CDK15: variants seen among roughly 807,000 people sequenced by gnomAD.
CDK15 encodes cyclin-dependent kinase 15.
In CDK15, 62 loss-of-function variants were observed where a neutral mutation model predicts 60.3. That is an observed-to-expected ratio of 1.03 (90% CI 0.84 to 1.27). The LOEUF is 1.27. Among genes scored for constraint, CDK15 ranks in the 50% most tolerant of loss-of-function variants. The pLI is 0.00. For missense variants in CDK15, 541 were observed against 527.8 expected (o/e 1.03, Z -0.25); for synonymous variants, 194 against 195.7 (o/e 0.99, Z 0.07).
chr2:201,880,573 C>T lies in CDK15; in HGVS notation c.1198+406C>T, dbSNP rs367830167. 4.6e-5 allele frequency among the ~76,000 whole-genome samples: 7 copies of T among 152,140 alleles called. No homozygotes were observed. The South Asian group carries it at 6.2e-4, about 14-fold the overall frequency. ...GCGGAGAGTAAGATGATAGGTGAAG[C>T]GGATATGTCCTGAGAGGGAGCTGGG... On this transcript the variant is annotated intron_variant, in intron 12 of 13. Coordinates refer to ENST00000652192, the MANE Select transcript of CDK15 (RefSeq NM_001366386.2).
At chr2:201,846,023 C>A (rs1191337548) in intron 8 of CDK15, among the ~76,000 whole-genome samples, 2 of 151,996 alleles carry the variant, frequency 1.3e-5, no homozygotes, top group Non-Finnish European at 2.9e-5. Context: ...TTCAGCTTGA[C>A]CATGTATGAA....
intron 11 of CDK15, chr2:201,876,456 G>A (rs1699081171): frequency 1.8e-6 from 1 of 549,208 alleles, no homozygotes; most frequent in South Asian, 1.5e-5. Flanking sequence ...TGCTGCCAGT[G>A]AAGGTTTGTG....
chr2:201,812,442 C>T (rs1695816711), intron 3 of CDK15, 41 bp from the exon 4 acceptor site: 1 of 1,405,610 alleles, frequency 7.1e-7, no homozygotes, highest in Non-Finnish European at 1.0e-6. Flanking sequence ...CTGCTTTGAA[C>T]CACCTCAATA....
chr2:201,865,889 C>CA (rs1262940691), intron 10 of CDK15, among the ~76,000 whole-genome samples: 11 of 24,826 alleles, frequency 4.4e-4, no homozygotes, highest in African/African-American at 1.4e-3. Flanking sequence ...GATTCCATCT[C>CA]AACAAAAAAA....
intron 12 of CDK15, among the ~76,000 whole-genome samples, chr2:201,883,558 G>C (rs1349607789): frequency 1.3e-5 from 2 of 152,232 alleles, no homozygotes; most frequent in Non-Finnish European, 2.9e-5. Context: ...ACCTGAAGTG[G>C]AAAAGTGTGA....
At chr2:201,888,927 T>A in intron 12 of CDK15, 1 of 991,348 alleles carries the variant, frequency 1.0e-6, no homozygotes, top group Non-Finnish European at 1.2e-6. Context: ...TTTAACTGTC[T>A]ATGCTATGAC....
intron 6 of CDK15, among the ~76,000 whole-genome samples, chr2:201,827,960 T>C (rs1377876623): frequency 6.6e-6 from 1 of 152,164 alleles, no homozygotes; most frequent in Non-Finnish European, 1.5e-5. Flanking sequence ...TCAAGGTTGA[T>C]ATTATGGTAG....
chr2:201,814,543 T>C (rs770679830), intron 4 of CDK15, among the ~76,000 whole-genome samples: 19 of 152,164 alleles, frequency 1.2e-4, no homozygotes, highest in Non-Finnish European at 2.6e-4. Context: ...TTTGGCACTG[T>C]CCCATTTTTC....
At chr2:201,810,143 A>G (rs1399903478) in intron 3 of CDK15, among the ~76,000 whole-genome samples, 1 of 152,140 alleles carries the variant, frequency 6.6e-6, no homozygotes, top group Non-Finnish European at 1.5e-5. Flanking sequence ...CCATGTTCTG[A>G]GGAAAATACT....
chr2:201,865,002 G>T (rs571731091), intron 10 of CDK15, among the ~76,000 whole-genome samples: 1 of 152,132 alleles, frequency 6.6e-6, no homozygotes, highest in Non-Finnish European at 1.5e-5. Context: ...CTGCAGGACT[G>T]GGTAGAGGGA....
intron 6 of CDK15, among the ~76,000 whole-genome samples, chr2:201,829,456 C>T (rs1299630538): frequency 6.6e-6 from 1 of 152,088 alleles, no homozygotes; most frequent in Non-Finnish European, 1.5e-5. Context: ...TTTTCTGGAT[C>T]TGAGTATTAA....
chr2:201,864,205 G>A (rs762384480), intron 10 of CDK15, among the ~76,000 whole-genome samples: 2 of 152,166 alleles, frequency 1.3e-5, no homozygotes, highest in Non-Finnish European at 2.9e-5. Flanking sequence ...GGATCTTTAA[G>A]AAACTAGGGA....
At position 201,834,119 on chromosome 2, in the gene CDK15, T is replaced by A. The variant is rs1574874163; in HGVS notation, c.730+148T>A. ...GGATATCAAACTACCACAAAGGAAG[T>A]GTGAGGCACGAAACAGGGAGGGATT... On this transcript the variant is annotated intron_variant, in intron 7 of 13. Coordinates refer to ENST00000652192, the MANE Select transcript of CDK15 (RefSeq NM_001366386.2). 2.9e-6 allele frequency: 3 copies of A among 1,021,278 alleles called. No homozygotes were observed. In the East Asian group the frequency reaches 8.6e-5, roughly 29 times the overall value. 63.3% of individuals were successfully genotyped at this position (1,021,278 alleles called of 1,614,324 possible).
chr2:201,878,493 T>C (rs1699162260), intron 11 of CDK15, among the ~76,000 whole-genome samples: 1 of 152,172 alleles, frequency 6.6e-6, no homozygotes, highest in Non-Finnish European at 1.5e-5. Context: ...AGAAATCCTT[T>C]CCTGACCACC....
At chr2:201,837,230 G>T (rs1011686930) in intron 8 of CDK15, among the ~76,000 whole-genome samples, 4 of 151,622 alleles carry the variant, frequency 2.6e-5, no homozygotes, top group Non-Finnish European at 5.9e-5. Flanking sequence ...TGAGGCTGCA[G>T]TGAGTTTTGA....
chr2:201,852,986 T>C (rs1697979453), intron 9 of CDK15, among the ~76,000 whole-genome samples: 1 of 152,266 alleles, frequency 6.6e-6, no homozygotes, highest in African/African-American at 2.4e-5. Context: ...TTGTCACCTA[T>C]TTCTTCTATT....
At chr2:201,810,566 A>T (rs959634569) in intron 3 of CDK15, among the ~76,000 whole-genome samples, 16 of 152,204 alleles carry the variant, frequency 1.1e-4, no homozygotes, top group African/African-American at 3.9e-4. Flanking sequence ...TAAATAAATG[A>T]TTCAATACAT....
chr2:201,817,427 AAAAG>A (rs1241889211), intron 4 of CDK15, among the ~76,000 whole-genome samples: 1 of 152,196 alleles, frequency 6.6e-6, no homozygotes, highest in Non-Finnish European at 1.5e-5. Context: ...TTGTGTGTCC[AAAAG>A]AAATATTTTA....
At chr2:201,857,431 T>C (rs1698193537) in intron 10 of CDK15, among the ~76,000 whole-genome samples, 2 of 152,002 alleles carry the variant, frequency 1.3e-5, no homozygotes, top group African/African-American at 4.8e-5. Flanking sequence ...TCAAAAATTT[T>C]CAGGTACCTA....
Sources: gnomAD v4.1 joint callset for allele counts (sites outside exome capture counted in the v4.1 genomes callset) on GRCh38, gnomAD v4.1.1 for gene constraint, MANE v1.5 for transcripts, NCBI Gene and HGNC (gene_info 2026-07-23, HGNC 2026-07-21) for gene names.